The following PITPNM2 variants were observed in gnomAD, a reference collection of about 807,000 sequenced individuals.
PITPNM2 encodes phosphatidylinositol transfer protein membrane associated 2, also known as membrane-associated phosphatidylinositol transfer protein 2.
Under a neutral mutation model 132.2 loss-of-function variants are expected in PITPNM2, and 35 were observed. The ratio of observed to expected loss-of-function variants is 0.26; its 90% CI spans 0.20 to 0.35. The LOEUF is 0.35. Among genes scored for constraint, PITPNM2 ranks in the 10% least tolerant of loss-of-function variants. The probability of loss-of-function intolerance (pLI) is 1.00; values close to 1 mark genes in which losing one functional copy is unlikely to be tolerated. For missense variants in PITPNM2, 1,332 were observed against 1,912.0 expected, an observed-to-expected ratio of 0.70 and a Z score of 5.66; for synonymous variants, 738 against 799.2, an observed-to-expected ratio of 0.92 and a Z score of 1.29.
intron 2 of PITPNM2, among the ~76,000 whole-genome samples, chr12:123,107,425 G>T (rs184708204): frequency 3.0e-4 from 45 of 152,298 alleles, no homozygotes; most frequent in African/African-American, 9.6e-4. Flanking sequence ...AGACAGCCAG[G>T]CAGTAGGAGA....
rs1275242438 is a variant in PITPNM2, at chr12:123,130,414, G to A, written c.-199-19926C>T. Among the ~76,000 whole-genome samples, 4 of 152,282 alleles carry A rather than the reference G, an allele frequency of 2.6e-5. No homozygotes were observed. In the Middle Eastern group the frequency reaches 0.01, roughly 388 times the overall value. ...TTGCAAACAGAAGCTAAGGTTGGGG[G>A]CAGGGTCATTTGCCCAAGGCCACCG... is the stretch of plus-strand genomic sequence containing the variant. On this transcript the variant is annotated intron_variant, in intron 1 of 25. Coordinates refer to ENST00000320201, the MANE Select transcript of PITPNM2 (RefSeq NM_020845.3).
chr12:123,129,532 T>C (rs561307974), intron 1 of PITPNM2, among the ~76,000 whole-genome samples: 40 of 151,834 alleles, frequency 2.6e-4, no homozygotes, highest in African/African-American at 6.0e-4. Flanking sequence ...ATTGCGCCAC[T>C]GCACTCCAGC....
chr12:123,038,318 A>T (rs1377842089), intron 2 of PITPNM2, among the ~76,000 whole-genome samples: 2 of 152,214 alleles, frequency 1.3e-5, no homozygotes, highest in Non-Finnish European at 1.5e-5. Context: ...TCAGAACTCT[A>T]AGAGTGACAC....
chr12:123,147,253 T>C (rs1229356512), intron 1 of PITPNM2, among the ~76,000 whole-genome samples: 1 of 152,232 alleles, frequency 6.6e-6, no homozygotes, highest in Non-Finnish European at 1.5e-5. Context: ...ACATACCCTT[T>C]GTTCCCCATG....
intron 18 of PITPNM2, among the ~76,000 whole-genome samples, chr12:122,989,274 G>A (rs1336994509): frequency 1.3e-5 from 2 of 152,176 alleles, no homozygotes; most frequent in African/African-American, 4.8e-5. Context: ...GCACAGAGAT[G>A]GGGTTACAAT....
chr12:123,005,262 C>T lies in PITPNM2; in HGVS notation c.930G>A (p.Ser310=), dbSNP rs761092789. The T allele has an allele frequency of 9.9e-6, 16 of 1,612,560 alleles. No homozygotes were observed. The East Asian group carries it at 1.1e-4, about 11-fold the overall frequency. The change falls in exon 7 of 26, where the codon TCG becomes TCA. Residue 310 remains serine (S), a synonymous_variant. Coordinates refer to ENST00000320201, the MANE Select transcript of PITPNM2 (RefSeq NM_020845.3). The surrounding 1 kb of genome is among the most constrained non-coding windows in gnomAD (Gnocchi z 6.2). Reference sequence around the variant, plus strand: ...TACCTCCCCGCTTGGACGACCGAGACGACTTGGAGGATGTGGACCACTGTT... The same window carrying T: ...TACCTCCCCGCTTGGACGACCGAGATGACTTGGAGGATGTGGACCACTGTT... ...LKKQWSTSSK[S]SRSSKRGASP...
Position 122,993,035 on chromosome 12 carries a change from C to G in PITPNM2, c.2234-366G>C, listed in dbSNP as rs1366016737. Among the ~76,000 whole-genome samples the G allele has an allele frequency of 6.6e-6, 1 of 152,080 alleles. No individual in the cohort carries two copies. Among genetic ancestry groups the G allele is most frequent in the Non-Finnish European group, 1.5e-5 (1 of 68,004 alleles). ...AGAGATGGGGTCTTACTATGTTATC[C>G]AGGCTGGTCTCAAACTCCTGGACTC... On this transcript the variant is annotated intron_variant, in intron 15 of 25. Transcript: ENST00000320201. This position sits in a 1 kb window ranked among gnomAD's most constrained non-coding sequence, Gnocchi z 5.2.
chr12:123,070,185 G>A (rs1482782971), intron 2 of PITPNM2, among the ~76,000 whole-genome samples: 1 of 152,224 alleles, frequency 6.6e-6, no homozygotes, highest in African/African-American at 2.4e-5. Flanking sequence ...CACTGCTCTT[G>A]GGGCTTAAAT....
chr12:123,150,484 G>A lies in PITPNM2; in HGVS notation c.-200+269C>T, dbSNP rs918179026. On this transcript the variant is annotated intron_variant, in intron 1 of 25. Transcript: ENST00000320201. This position sits in a 1 kb window ranked among gnomAD's most constrained non-coding sequence, Gnocchi z 6.0. ...CGCGGTCGCGACCGACGGAAATTCGGAAATCAGCGTTTCGGGCACGGATCC... is the reference window on the plus strand; with the variant it reads ...CGCGGTCGCGACCGACGGAAATTCGAAAATCAGCGTTTCGGGCACGGATCC... Among the ~76,000 whole-genome samples, 1 of 152,096 alleles carries A rather than the reference G, an allele frequency of 6.6e-6. No homozygotes were observed. Among genetic ancestry groups the A allele is most frequent in the African/African-American group, 2.4e-5 (1 of 41,444 alleles).
rs1390599334 is a variant in PITPNM2, at chr12:123,009,943, C to A, written c.550G>T (p.Val184Phe). Residue 184 changes from valine to phenylalanine, a missense_variant, in exon 6 of 26, where the codon GTC becomes TTC. Val to Phe is a conservative substitution (Grantham distance 50). Coordinates refer to ENST00000320201, the MANE Select transcript of PITPNM2 (RefSeq NM_020845.3). This position sits in a 1 kb window ranked among gnomAD's most constrained non-coding sequence, Gnocchi z 4.8. ...ENWIEEYKKQ[V>F]FPIMCAYKLC... The stretch of plus-strand genomic sequence containing the variant: ...TTGTATGCGCACATGATGGGGAAGA[C>A]CTGCTTCTTGTACTCCTCGATCCAG... 1 of 1,614,204 alleles carries A rather than the reference C, an allele frequency of 6.2e-7. No individual in the cohort carries two copies. Among genetic ancestry groups the A allele is most frequent in the Non-Finnish European group, 8.5e-7 (1 of 1,180,040 alleles).
chr12:123,149,554 C>T (rs2043685527), intron 1 of PITPNM2, among the ~76,000 whole-genome samples: 1 of 152,220 alleles, frequency 6.6e-6, no homozygotes, highest in African/African-American at 2.4e-5. Flanking sequence ...TGACTCCACG[C>T]AGGGTACTGA....
At chr12:123,139,650 A>G (rs2043460655) in intron 1 of PITPNM2, among the ~76,000 whole-genome samples, 1 of 152,010 alleles carries the variant, frequency 6.6e-6, no homozygotes, top group African/African-American at 2.4e-5. Context: ...AATCTACTGC[A>G]TTTTCTCTCT....
chr12:123,074,938 A>T (rs1001524272), intron 2 of PITPNM2, among the ~76,000 whole-genome samples: 5 of 152,238 alleles, frequency 3.3e-5, no homozygotes, highest in African/African-American at 1.2e-4. Context: ...CAGCTGTCTG[A>T]TCTTAACAAT....
At position 122,994,760 on chromosome 12, in the gene PITPNM2, C is replaced by T; in HGVS notation, c.2233+41G>A. ...CCACTGAGACCCCCGCCCCCGCACC[C>T]AGTGCATGTACCCCCCATCCTGCCC... is the stretch of plus-strand genomic sequence containing the variant. On this transcript the variant is annotated intron_variant, in intron 15 of 25. Transcript: ENST00000320201. This position sits in a 1 kb window ranked among gnomAD's most constrained non-coding sequence, Gnocchi z 5.4. 4 of 1,582,828 alleles carry T rather than the reference C, an allele frequency of 2.5e-6. No individual in the cohort carries two copies. The highest frequency in any genetic ancestry group is 2.6e-6 in the Non-Finnish European group (3 of 1,167,258).
At chr12:123,125,863 G>GC (rs1566303194) in intron 1 of PITPNM2, among the ~76,000 whole-genome samples, 2,400 of 79,550 alleles carry the variant, frequency 0.03, 272 homozygotes, top group African/African-American at 0.096. Flanking sequence ...AAAAAATTAG[G>GC]GTTTTTTTTT....
intron 2 of PITPNM2, among the ~76,000 whole-genome samples, chr12:123,049,226 C>G (rs1350949286): frequency 6.6e-6 from 1 of 152,184 alleles, no homozygotes; most frequent in African/African-American, 2.4e-5. Flanking sequence ...CCTGAGGGTT[C>G]CATAACCAGA....
In PITPNM2 at chr12:123,095,087, C is replaced by T. The variant is rs1395804264; in HGVS notation, c.-96+15298G>A. 6.6e-6 allele frequency among the ~76,000 whole-genome samples: 1 copy of T among 152,180 alleles called. No individual in the cohort carries two copies. Among genetic ancestry groups the T allele is most frequent in the Non-Finnish European group, 1.5e-5 (1 of 68,026 alleles). On this transcript the variant is annotated intron_variant, in intron 2 of 25. Coordinates refer to ENST00000320201, the MANE Select transcript of PITPNM2 (RefSeq NM_020845.3). This position sits in a 1 kb window ranked among gnomAD's most constrained non-coding sequence, Gnocchi z 5.0. Reference sequence around the variant, plus strand: ...CACTGGGGCTCACAGCACGGCAGTGCGTCCACATTAGGGTGGCTGCTGGGG... The same window carrying T: ...CACTGGGGCTCACAGCACGGCAGTGTGTCCACATTAGGGTGGCTGCTGGGG...
rs1202539149 is a variant in PITPNM2, at chr12:123,036,992, T to G, written c.-95-2307A>C. On this transcript the variant is annotated intron_variant, in intron 2 of 25. Transcript: ENST00000320201. This position sits in a 1 kb window ranked among gnomAD's most constrained non-coding sequence, Gnocchi z 4.1. ...GGTCTAGCTAACAGCCCATGGGACC[T>G]GCAAGTTTAGGGCCTGAGGCCCTGT... Among the ~76,000 whole-genome samples the G allele has an allele frequency of 2.0e-5, 3 of 152,258 alleles. No homozygotes were observed. The highest frequency in any genetic ancestry group is 7.2e-5 in the African/African-American group (3 of 41,468).
intron 6 of PITPNM2, chr12:123,007,502 G>A: frequency 4.7e-6 from 2 of 426,430 alleles, no homozygotes; most frequent in South Asian, 3.3e-5. Context: ...AAGCAGTTGG[G>A]CCACGCCAGG....
Sources: allele counts gnomAD v4.1 joint callset (sites outside exome capture counted in the v4.1 genomes callset), GRCh38; gene constraint gnomAD v4.1.1; non-coding constraint Gnocchi (gnomAD v3.1); transcripts MANE v1.5; gene names NCBI Gene and HGNC (gene_info 2026-07-23, HGNC 2026-07-21).